The following PCDH15 variants were observed in gnomAD, a reference collection of about 807,000 sequenced individuals.
The protein encoded by PCDH15 is protocadherin-15.
In PCDH15, 129 loss-of-function variants were observed where a neutral mutation model predicts 178.5. The observed-to-expected ratio is 0.72, with a 90% CI of 0.63 to 0.84. PCDH15 has a LOEUF of 0.84. Ranked by LOEUF, PCDH15 falls within the 40% of genes least tolerant of loss-of-function variation. PCDH15 has a pLI of 0.00. For missense variants in PCDH15, 2,230 were observed against 2,099.9 expected, an observed-to-expected ratio of 1.06 and a Z score of -1.21; for synonymous variants, 800 against 732.0, an observed-to-expected ratio of 1.09 and a Z score of -1.50.
chr10:54,257,403 C>CTT (rs71461225), intron 8 of PCDH15, among the ~76,000 whole-genome samples: 1,836 of 125,958 alleles, frequency 0.015, 85 homozygotes, highest in African/African-American at 0.044. Flanking sequence ...GAATTGTCTT[C>CTT]TTTTTTTTTT....
intron 7 of PCDH15, among the ~76,000 whole-genome samples, chr10:54,318,622 A>C (rs2133685390): frequency 6.6e-6 from 1 of 152,278 alleles, no homozygotes; most frequent in African/African-American, 2.4e-5. Flanking sequence ...ATGGTTCCTT[A>C]GGCTCATTTT....
chr10:53,961,289 T>A (rs2088281773), intron 22 of PCDH15, among the ~76,000 whole-genome samples: 2 of 152,034 alleles, frequency 1.3e-5, no homozygotes, highest in Admixed American at 1.3e-4. Context: ...AGTAGTTGCA[T>A]GATAGCATTT....
intron 2 of PCDH15, among the ~76,000 whole-genome samples, chr10:55,101,708 C>A (rs1367350061): frequency 6.6e-6 from 1 of 151,138 alleles, no homozygotes; most frequent in African/African-American, 2.4e-5. Context: ...CAATGTGATA[C>A]AATAGTATAG....
At chr10:55,149,202 G>C (rs1838613811) in intron 2 of PCDH15, among the ~76,000 whole-genome samples, 1 of 151,270 alleles carries the variant, frequency 6.6e-6, no homozygotes, top group Non-Finnish European at 1.5e-5. Flanking sequence ...CAAAGTATTA[G>C]AAATGGAGCA....
In PCDH15 at chr10:55,079,510, G is replaced by T. The variant is rs570662174; in HGVS notation, c.-80+87066C>A. Among the ~76,000 whole-genome samples the T allele has an allele frequency of 6.8e-4, 104 of 152,292 alleles. 1 individual carries two copies. Among genetic ancestry groups the T allele is most frequent in the African/African-American group, 2.3e-3 (95 of 41,560 alleles). On this transcript the variant is annotated intron_variant, in intron 2 of 5. Coordinates refer to the PCDH15 transcript ENST00000458638. The stretch of plus-strand genomic sequence containing the variant: ...TGACAACTGTGGGCTGATCATGCCT[G>T]CCCTTGAACCCCAGTGTAGCTTATT...
intron 2 of PCDH15, among the ~76,000 whole-genome samples, chr10:54,531,142 C>A (rs1231017377): frequency 6.6e-6 from 1 of 152,130 alleles, no homozygotes; most frequent in East Asian, 1.9e-4. Flanking sequence ...GTCAGGTGAG[C>A]TGCTGATACC....
At chr10:54,830,850 T>C (rs1953213486) in intron 3 of PCDH15, among the ~76,000 whole-genome samples, 1 of 151,934 alleles carries the variant, frequency 6.6e-6, no homozygotes, top group African/African-American at 2.4e-5. Context: ...AAAAATATTC[T>C]GTAATGATGA....
intron 28 of PCDH15, among the ~76,000 whole-genome samples, chr10:53,847,934 T>C (rs1193583131): frequency 6.6e-6 from 1 of 152,096 alleles, no homozygotes; most frequent in Non-Finnish European, 1.5e-5. Context: ...AATTTAGCCT[T>C]TAATATTTAT....
chr10:54,454,207 A>G (rs888151962), intron 3 of PCDH15, among the ~76,000 whole-genome samples: 3 of 149,444 alleles, frequency 2.0e-5, no homozygotes, highest in East Asian at 3.9e-4. Context: ...TAATTACTAA[A>G]ATTTTTTCTA....
intron 13 of PCDH15, among the ~76,000 whole-genome samples, chr10:54,156,665 T>C (rs1379304285): frequency 2.0e-5 from 3 of 152,196 alleles, no homozygotes; most frequent in Non-Finnish European, 4.4e-5. Context: ...TGTTCTCACA[T>C]TTCAAAACCA....
intron 1 of PCDH15, among the ~76,000 whole-genome samples, chr10:55,206,970 G>T (rs1591989486): frequency 1.3e-5 from 2 of 151,986 alleles, no homozygotes; most frequent in Middle Eastern, 6.8e-3. Flanking sequence ...GTCGGGTTCA[G>T]ATCTCTCTAT....
At chr10:54,627,815 A>C (rs1216198299) in intron 2 of PCDH15, among the ~76,000 whole-genome samples, 2 of 152,218 alleles carry the variant, frequency 1.3e-5, no homozygotes, top group Non-Finnish European at 2.9e-5. Context: ...GGACATGCAC[A>C]AAATCATTTA....
At position 54,242,150 on chromosome 10, in the gene PCDH15, A is replaced by ATATTTT. The variant is rs1469229669; in HGVS notation, c.877-5220_877-5219insAAAATA. On this transcript the variant is annotated intron_variant, in intron 8 of 37. Coordinates refer to ENST00000644397, the MANE Select transcript of PCDH15 (RefSeq NM_001384140.1). ...TATTTTTATATATATATATATATAT[A>ATATTTT]TATATATATATATATATATATATAT... 1.9e-4 allele frequency among the ~76,000 whole-genome samples: 16 copies of ATATTTT among 84,546 alleles called. 1 individual carries two copies. Among genetic ancestry groups the ATATTTT allele is most frequent in the African/African-American group, 8.8e-4 (16 of 18,250 alleles). 55.5% of individuals were successfully genotyped at this position (84,546 alleles called of 152,430 possible). A position where few individuals can be genotyped will look rare whatever the true frequency, so the allele number is the denominator to read the frequency against.
intron 1 of PCDH15, among the ~76,000 whole-genome samples, chr10:55,285,765 T>C (rs145361488): frequency 6.6e-6 from 1 of 151,834 alleles, no homozygotes; most frequent in African/African-American, 2.4e-5. Context: ...CTGGATTTCA[T>C]CCCCTTCTCA....
At chr10:55,442,466 T>TA (rs1414531826) in intron 2 of PCDH15, among the ~76,000 whole-genome samples, 8 of 50,710 alleles carry the variant, frequency 1.6e-4, no homozygotes, top group Non-Finnish European at 2.9e-4. Flanking sequence ...TATATATATA[T>TA]ATATTATATA....
intron 2 of PCDH15, among the ~76,000 whole-genome samples, chr10:55,084,702 T>C (rs946483992): frequency 1.3e-5 from 2 of 151,844 alleles, no homozygotes; most frequent in Non-Finnish European, 2.9e-5. Flanking sequence ...AACCAGAATA[T>C]ATAAGGAGCT....
chr10:54,000,998 T>C (rs2660165), intron 20 of PCDH15, among the ~76,000 whole-genome samples: 149,240 of 152,292 alleles, frequency 0.98, 73,143 homozygotes, highest in East Asian at 1. Context: ...AGCAGACATT[T>C]AGCAGAAACC....
At chr10:54,694,433 T>C (rs1400880325) in intron 1 of PCDH15, among the ~76,000 whole-genome samples, 1 of 152,110 alleles carries the variant, frequency 6.6e-6, no homozygotes, top group Non-Finnish European at 1.5e-5. Flanking sequence ...CAGGCATACC[T>C]TGTTTTGCTG....
intron 2 of PCDH15, among the ~76,000 whole-genome samples, chr10:54,592,688 T>C (rs1449877728): frequency 1.3e-5 from 2 of 152,198 alleles, no homozygotes; most frequent in East Asian, 3.9e-4. Flanking sequence ...AATTATTTTA[T>C]TTCCTTTGAA....
Sources: gnomAD v4.1 joint callset for allele counts (sites outside exome capture counted in the v4.1 genomes callset) on GRCh38, gnomAD v4.1.1 for gene constraint, MANE v1.5 for transcripts, NCBI Gene and HGNC (gene_info 2026-07-23, HGNC 2026-07-21) for gene names.